The following IL20RB variants were observed in gnomAD, a reference collection of about 807,000 sequenced individuals.
IL20RB encodes interleukin 20 receptor subunit beta, also known as interleukin-20 receptor subunit beta.
IL20RB carries 21 observed loss-of-function variants against 33.3 expected under a neutral mutation model. The observed-to-expected ratio is 0.63, with a 90% CI of 0.45 to 0.91. IL20RB has a LOEUF of 0.91. Among genes scored for constraint, IL20RB ranks in the 40% least tolerant of loss-of-function variants. IL20RB has a pLI of 0.00. For missense variants in IL20RB, 345 were observed against 384.8 expected, an observed-to-expected ratio of 0.90 and a Z score of 0.86; for synonymous variants, 147 against 146.8, an observed-to-expected ratio of 1.00 and a Z score of -0.01.
At chr3:136,974,005 T>C (rs1355871587) in intron 1 of IL20RB, among the ~76,000 whole-genome samples, 1 of 152,164 alleles carries the variant, frequency 6.6e-6, no homozygotes, top group Non-Finnish European at 1.5e-5. Context: ...TTTTTTTTTA[T>C]TTATTCAGCC....
chr3:137,000,473 G>C (rs1942221789), intron 6 of IL20RB, among the ~76,000 whole-genome samples: 1 of 152,224 alleles, frequency 6.6e-6, no homozygotes, highest in Admixed American at 6.5e-5. Context: ...TTTAGGCAAG[G>C]AGCTGTGAAA....
chr3:136,995,389 G>C, intron 5 of IL20RB, 25 bp from the exon 6 acceptor site: 1 of 1,612,642 alleles, frequency 6.2e-7, no homozygotes, highest in Non-Finnish European at 8.5e-7. Context: ...TGTTTTCTAA[G>C]CCTGTTTTTA....
rs1942245856 is a variant in IL20RB, at chr3:137,001,697, T to G, written c.825+6141T>G. On this transcript the variant is annotated intron_variant, in intron 6 of 6. Coordinates refer to ENST00000329582, the MANE Select transcript of IL20RB (RefSeq NM_144717.4). ...TTTCATGTCTACGTCTAAAATTTTATAGTAGGTGATGGTTGCACTCTGAAA... is the reference window on the plus strand; with the variant it reads ...TTTCATGTCTACGTCTAAAATTTTAGAGTAGGTGATGGTTGCACTCTGAAA... Among the ~76,000 whole-genome samples, 3 of 152,330 alleles carry G rather than the reference T, an allele frequency of 2.0e-5. No homozygotes were observed. The South Asian group carries it at 6.2e-4, about 32-fold the overall frequency.
intron 3 of IL20RB, chr3:136,986,624 G>A (rs1941905077): frequency 2.2e-6 from 1 of 453,986 alleles, no homozygotes; most frequent in East Asian, 7.0e-5. Flanking sequence ...TCTTCAACAA[G>A]CAGGCATAAA....
At chr3:136,986,790 T>C in intron 3 of IL20RB, 1 of 455,748 alleles carries the variant, frequency 2.2e-6, no homozygotes, top group South Asian at 1.5e-5. Flanking sequence ...TCGCGGTGAG[T>C]GTTACAGCTC....
intron 1 of IL20RB, among the ~76,000 whole-genome samples, chr3:136,971,099 T>A (rs546816013): frequency 6.6e-6 from 1 of 152,190 alleles, no homozygotes; most frequent in African/African-American, 2.4e-5. Flanking sequence ...TAGTCTGCTA[T>A]CAGGTATTGA....
intron 1 of IL20RB, among the ~76,000 whole-genome samples, chr3:136,970,615 CT>C (rs1941451567): frequency 3.1e-5 from 1 of 32,172 alleles, no homozygotes; most frequent in East Asian, 3.1e-3. Context: ...TTCTAGTTTC[CT>C]TCCTTCCTTC....
chr3:136,985,300 C>A (rs1941872696), intron 3 of IL20RB, among the ~76,000 whole-genome samples: 1 of 151,134 alleles, frequency 6.6e-6, no homozygotes, highest in African/African-American at 2.4e-5. Context: ...TGATTTAAGG[C>A]TCTCCTGAAA....
intron 6 of IL20RB, among the ~76,000 whole-genome samples, chr3:137,001,413 C>T (rs1238117172): frequency 6.6e-6 from 1 of 152,216 alleles, no homozygotes; most frequent in Non-Finnish European, 1.5e-5. Context: ...CATTGAATCC[C>T]GCACAAATTC....
At chr3:136,972,702 G>A (rs1370835369) in intron 1 of IL20RB, among the ~76,000 whole-genome samples, 1 of 151,694 alleles carries the variant, frequency 6.6e-6, no homozygotes, top group Admixed American at 6.6e-5. Context: ...AGTCTAGCTA[G>A]TGGTTTTAAG....
intron 1 of IL20RB, among the ~76,000 whole-genome samples, chr3:136,977,700 A>G (rs976879121): frequency 6.6e-6 from 1 of 151,926 alleles, no homozygotes; most frequent in South Asian, 2.1e-4. Context: ...TAATTTTTCT[A>G]TTTTTAGTAG....
At chr3:136,958,663 A>G (rs1446038036) in intron 1 of IL20RB, among the ~76,000 whole-genome samples, 1 of 152,210 alleles carries the variant, frequency 6.6e-6, no homozygotes, top group Non-Finnish European at 1.5e-5. Context: ...TCTACTGGTC[A>G]TTGAAGAAAA....
chr3:136,989,671 T>G (rs1941993192), intron 4 of IL20RB, 106 bp downstream of exon 4: 2 of 1,278,994 alleles, frequency 1.6e-6, no homozygotes, highest in Non-Finnish European at 2.2e-6. Context: ...GACCTGGGGA[T>G]GAGCAGTCCT....
Position 136,958,126 on chromosome 3 carries a change from A to G in IL20RB, c.13A>G (p.Thr5Ala), listed in dbSNP as rs748575213. 11 of 1,606,148 alleles carry G rather than the reference A, an allele frequency of 6.8e-6. No homozygotes were observed. The highest frequency in any genetic ancestry group is 7.7e-6 in the Non-Finnish European group (9 of 1,172,972). The stretch of plus-strand genomic sequence containing the variant: ...CTGAGTCTACCAAATGCAGACTTTC[A>G]CAATGGTTCTAGAAGAAATCTGGAC... MQTFTMVLEEIWTSL... is the reference protein window; with the variant it reads MQTFAMVLEEIWTSL... Residue 5 changes from threonine (T) to alanine (A), a missense_variant, in exon 1 of 7, where the codon ACA becomes GCA. Thr to Ala is a moderately conservative substitution (Grantham distance 58). Coordinates refer to ENST00000329582, the MANE Select transcript of IL20RB (RefSeq NM_144717.4).
chr3:136,980,687 TC>T, intron 2 of IL20RB, 95 bp downstream of exon 2: 3 of 1,300,046 alleles, frequency 2.3e-6, no homozygotes, highest in Non-Finnish European at 3.3e-6. Context: ...GCTTTTTGAG[TC>T]CAGGGATAGA....
At position 137,004,167 on chromosome 3, in the gene IL20RB, T is replaced by C. The variant is rs182079989; in HGVS notation, c.826-5946T>C. Among the ~76,000 whole-genome samples, 509 of 152,350 alleles carry C rather than the reference T, an allele frequency of 3.3e-3. 2 individuals are homozygous for C. The highest frequency in any genetic ancestry group is 6.5e-3 in the Admixed American group (99 of 15,300). On this transcript the variant is annotated intron_variant, in intron 6 of 6. Transcript: ENST00000329582. Reference sequence around the variant, plus strand: ...TGTGCTGCTGGATTTGGTTTGCCAGTATTTTATTGAGAATTTTTGCATTGA... The same window carrying C: ...TGTGCTGCTGGATTTGGTTTGCCAGCATTTTATTGAGAATTTTTGCATTGA...
At chr3:137,007,501 G>A (rs1439597009) in intron 6 of IL20RB, among the ~76,000 whole-genome samples, 3 of 152,216 alleles carry the variant, frequency 2.0e-5, no homozygotes, top group Non-Finnish European at 4.4e-5. Context: ...AATGGCAGAT[G>A]CCCCTCCCCA....
At chr3:137,001,814 A>G (rs1177236664) in intron 6 of IL20RB, among the ~76,000 whole-genome samples, 1 of 152,118 alleles carries the variant, frequency 6.6e-6, no homozygotes, top group Non-Finnish European at 1.5e-5. Context: ...TCTAGGGTAC[A>G]TGTGCACAAC....
intron 3 of IL20RB, among the ~76,000 whole-genome samples, chr3:136,987,903 G>A (rs930250017): frequency 2.6e-5 from 4 of 151,762 alleles, no homozygotes; most frequent in African/African-American, 9.7e-5. Context: ...CCAAGCCCAC[G>A]CCCACCCGGA....
Sources: gnomAD v4.1 joint callset for allele counts (sites outside exome capture counted in the v4.1 genomes callset) on GRCh38, gnomAD v4.1.1 for gene constraint, MANE v1.5 for transcripts, NCBI Gene and HGNC (gene_info 2026-07-23, HGNC 2026-07-21) for gene names.